DNAJC5B: variants seen among roughly 807,000 people sequenced by gnomAD.
The protein encoded by DNAJC5B is DnaJ heat shock protein family (Hsp40) member C5 beta, also known as dnaJ homolog subfamily C member 5B.
DNAJC5B carries 23 observed loss-of-function variants against 24.7 expected under a neutral mutation model. That is an observed-to-expected ratio of 0.93 (90% CI 0.67 to 1.32). The LOEUF is 1.32. Ranked by LOEUF, DNAJC5B falls within the 40% of genes most tolerant of loss-of-function variation. The pLI is 0.00. For synonymous variants in DNAJC5B, 101 were observed against 90.1 expected (o/e 1.12, Z -0.68); for missense variants, 238 against 240.8 (o/e 0.99, Z 0.08).
intron 5 of DNAJC5B, among the ~76,000 whole-genome samples, chr8:66,091,930 T>G (rs1807857143): frequency 6.6e-6 from 1 of 152,182 alleles, no homozygotes; most frequent in African/African-American, 2.4e-5. Flanking sequence ...ACAAACATTG[T>G]ATGATTCCAT....
chr8:66,016,259 A>G, the DNAJC5B span, among the ~76,000 whole-genome samples: 1 of 152,192 alleles, frequency 6.6e-6, no homozygotes, highest in African/African-American at 2.4e-5. Flanking sequence ...CTCAAATTTC[A>G]TCTTGAATTG....
intron 3 of DNAJC5B, among the ~76,000 whole-genome samples, chr8:66,054,786 C>T (rs899770963): frequency 6.6e-6 from 1 of 152,138 alleles, no homozygotes; most frequent in Admixed American, 6.6e-5. Flanking sequence ...TATCCAGAGG[C>T]GCGTGCCTGG....
rs544423691 is a variant in DNAJC5B at position 66,050,388 on chromosome 8, G to A, written c.-17-1143G>A. Among the ~76,000 whole-genome samples, 4 of 152,312 alleles carry A rather than the reference G, an allele frequency of 2.6e-5. No individual in the cohort carries two copies. In the South Asian group the frequency reaches 8.3e-4, roughly 32 times the overall value. ...ATAGACAAGCTGTTGTAAGGTAAGA[G>A]TTGCAGGTGGACCCAAGAACAACCG... On this transcript the variant is annotated intron_variant, in intron 2 of 5. Coordinates refer to ENST00000276570, the MANE Select transcript of DNAJC5B (RefSeq NM_033105.6).
At chr8:66,020,806 T>G (rs1310623533), upstream of DNAJC5B, among the ~76,000 whole-genome samples, 1 of 151,982 alleles carries the variant, frequency 6.6e-6, no homozygotes, top group Non-Finnish European at 1.5e-5. Flanking sequence ...CCCAGCTAAT[T>G]TTTGTATTTT....
chr8:66,023,748 G>A (rs531405707), intron 1 of DNAJC5B, among the ~76,000 whole-genome samples: 3 of 152,130 alleles, frequency 2.0e-5, no homozygotes, highest in Non-Finnish European at 4.4e-5. Flanking sequence ...TCTTCTATAT[G>A]AGCCTTCTGT....
At chr8:66,033,769 G>GT (rs1713494047) in intron 1 of DNAJC5B, among the ~76,000 whole-genome samples, 1 of 119,230 alleles carries the variant, frequency 8.4e-6, no homozygotes. Flanking sequence ...AGATCATTCC[G>GT]CTTTTTTTTT....
intron 3 of DNAJC5B, among the ~76,000 whole-genome samples, chr8:66,074,816 A>T (rs914120494): frequency 1.3e-5 from 2 of 152,140 alleles, no homozygotes; most frequent in Non-Finnish European, 2.9e-5. Context: ...CTTCCCGAGG[A>T]TTCCTCAGAG....
intron 1 of DNAJC5B, among the ~76,000 whole-genome samples, chr8:66,037,493 C>T (rs1024855325): frequency 1.3e-5 from 2 of 152,068 alleles, no homozygotes; most frequent in African/African-American, 4.8e-5. Flanking sequence ...GCTACCAGCA[C>T]CATCTCCTGT....
At chr8:66,093,023 G>A (rs1433468778) in intron 5 of DNAJC5B, among the ~76,000 whole-genome samples, 1 of 152,034 alleles carries the variant, frequency 6.6e-6, no homozygotes, top group Non-Finnish European at 1.5e-5. Context: ...TTATGTCTGT[G>A]TGTGCTCCAT....
intron 1 of DNAJC5B, among the ~76,000 whole-genome samples, chr8:66,035,285 G>A (rs528425721): frequency 1.3e-5 from 2 of 152,322 alleles, no homozygotes; most frequent in African/African-American, 4.8e-5. Context: ...TTACAATCCT[G>A]TTGTGGACTG....
chr8:66,064,827 T>C (rs1563600771), intron 3 of DNAJC5B, among the ~76,000 whole-genome samples: 1 of 152,152 alleles, frequency 6.6e-6, no homozygotes. Flanking sequence ...TTATGATTGG[T>C]GTTGGACATG....
intron 1 of DNAJC5B, among the ~76,000 whole-genome samples, chr8:66,037,323 G>A (rs915095333): frequency 1.2e-4 from 18 of 152,180 alleles, no homozygotes; most frequent in African/African-American, 4.3e-4. Flanking sequence ...AAAAGGCTCT[G>A]GAAGGAGCAG....
chr8:66,040,131 C>T (rs1464832755), intron 1 of DNAJC5B, among the ~76,000 whole-genome samples: 5 of 152,174 alleles, frequency 3.3e-5, no homozygotes, highest in Non-Finnish European at 7.3e-5. Context: ...GTGGCTCACA[C>T]CTGTAATCTC....
chr8:66,019,052 C>T (rs907655659), upstream of DNAJC5B, among the ~76,000 whole-genome samples: 3 of 152,150 alleles, frequency 2.0e-5, no homozygotes, highest in Non-Finnish European at 4.4e-5. Flanking sequence ...CCTGTTTCAA[C>T]ACAGGGATGT....
At chr8:66,067,071 C>T (rs751895853) in intron 3 of DNAJC5B, among the ~76,000 whole-genome samples, 26 of 152,098 alleles carry the variant, frequency 1.7e-4, no homozygotes, top group Non-Finnish European at 3.4e-4. Flanking sequence ...AAGAAGACAA[C>T]GAAGACATAA....
intron 1 of DNAJC5B, among the ~76,000 whole-genome samples, chr8:66,041,291 C>A (rs1327115131): frequency 6.6e-6 from 1 of 152,124 alleles, no homozygotes; most frequent in Non-Finnish European, 1.5e-5. Flanking sequence ...GGTGTTTGAG[C>A]CTGCTGAGAT....
intron 1 of DNAJC5B, among the ~76,000 whole-genome samples, chr8:66,041,386 C>T (rs557036266): frequency 6.8e-4 from 104 of 152,222 alleles, no homozygotes; most frequent in African/African-American, 2.4e-3. Flanking sequence ...TGATCTGGTA[C>T]CTGCTGCAGA....
chr8:66,077,019 A>C (rs1336951178), intron 4 of DNAJC5B, 146 bp downstream of exon 4: 2 of 765,126 alleles, frequency 2.6e-6, no homozygotes, highest in African/African-American at 3.5e-5. Context: ...GAATGCTATT[A>C]TTTAGGATCA....
chr8:66,028,266 C>T (rs948478267), intron 1 of DNAJC5B, among the ~76,000 whole-genome samples: 2 of 152,276 alleles, frequency 1.3e-5, no homozygotes, highest in African/African-American at 4.8e-5. Flanking sequence ...TACTCACCGG[C>T]GCTCATGTCC....
Sources: gnomAD v4.1 joint callset for allele counts (sites outside exome capture counted in the v4.1 genomes callset) on GRCh38, gnomAD v4.1.1 for gene constraint, MANE v1.5 for transcripts, NCBI Gene and HGNC (gene_info 2026-07-23, HGNC 2026-07-21) for gene names.